Variants in MALRD1 observed in about 807,000 individuals in gnomAD.
MALRD1 encodes MAM and LDL-receptor class A domain-containing protein 1.
MALRD1 carries 247 observed loss-of-function variants against 242.1 expected under a neutral mutation model. The ratio of observed to expected loss-of-function variants is 1.02; its 90% CI spans 0.92 to 1.13. The LOEUF (loss-of-function observed/expected upper bound fraction) is 1.13. MALRD1 is among the 50% of genes most tolerant of loss of function. The pLI, the probability that MALRD1 is intolerant of heterozygous loss-of-function variation, is 0.00. For missense variants in MALRD1, 2,989 were observed against 2,533.1 expected (o/e 1.18, Z -3.86); for synonymous variants, 995 against 866.6 (o/e 1.15, Z -2.60).
At chr10:19,118,082 T>C (rs1421426884) in intron 5 of MALRD1, among the ~76,000 whole-genome samples, 1 of 152,122 alleles carries the variant, frequency 6.6e-6, no homozygotes, top group Non-Finnish European at 1.5e-5. Flanking sequence ...AGCAAAAAAC[T>C]GTGATAAGAA....
intron 38 of MALRD1, among the ~76,000 whole-genome samples, chr10:19,726,208 A>G (rs1835017687): frequency 6.6e-6 from 1 of 152,232 alleles, no homozygotes. Context: ...CGTATCTGAT[A>G]AAAGTTTAAT....
At chr10:19,061,092 G>A (rs1228781587) in intron 1 of MALRD1, among the ~76,000 whole-genome samples, 1 of 152,156 alleles carries the variant, frequency 6.6e-6, no homozygotes, top group Non-Finnish European at 1.5e-5. Flanking sequence ...TACAGGGAGG[G>A]GAACAACACA....
At chr10:19,721,345 G>A (rs1395300685) in intron 38 of MALRD1, among the ~76,000 whole-genome samples, 1 of 152,142 alleles carries the variant, frequency 6.6e-6, no homozygotes, top group Non-Finnish European at 1.5e-5. Flanking sequence ...AGAGGTAGAA[G>A]TAGGGAGAGG....
rs1240012055 is a variant in MALRD1 at position 19,389,443 on chromosome 10, T to G, written c.4688-9T>G. 1.3e-6 allele frequency: 2 copies of G among 1,549,678 alleles called. No homozygotes were observed. Among genetic ancestry groups the G allele is most frequent in the East Asian group, 2.4e-5 (1 of 40,898 alleles). On this transcript the variant is annotated splice_polypyrimidine_tract_variant and intron_variant, in intron 27 of 39. Coordinates refer to ENST00000454679, the MANE Select transcript of MALRD1 (RefSeq NM_001142308.3). ...TTCGTTCTTCTCTGAATTCTGTCCT[T>G]GTTCCTAGGGCACTTCATGTATCTG...
rs1197670439 is a variant in MALRD1 at position 19,065,287 on chromosome 10, C to CAAAAAAA, written c.200-1416_200-1410dup. Among the ~76,000 whole-genome samples, 284 of 50,606 alleles carry CAAAAAAA rather than the reference C, an allele frequency of 5.6e-3. 7 individuals carry two copies. Among genetic ancestry groups the CAAAAAAA allele is most frequent in the African/African-American group, 0.019 (211 of 11,266 alleles). The allele number at this position is 50,606 out of a possible 152,430, so 33.2% of individuals were successfully genotyped here. On this transcript the variant is annotated intron_variant, in intron 1 of 39. Coordinates refer to ENST00000454679, the MANE Select transcript of MALRD1 (RefSeq NM_001142308.3). ...GGGCAACAAGAGCAAAACGCTGTCT[C>CAAAAAAA]AAAAAAAAAAAAAAAAAAAAAAGGA...
At chr10:19,248,325 T>C (rs1234281736) in intron 18 of MALRD1, among the ~76,000 whole-genome samples, 1 of 151,910 alleles carries the variant, frequency 6.6e-6, no homozygotes, top group African/African-American at 2.4e-5. Context: ...AAACATTTAT[T>C]ATTACAGAAC....
chr10:19,204,828 A>G, intron 16 of MALRD1, 70 bp from the exon 17 acceptor site: 1 of 1,421,738 alleles, frequency 7.0e-7, no homozygotes, highest in Non-Finnish European at 9.3e-7. Context: ...ACTGAGTAGA[A>G]AAATCTAAAG....
intron 32 of MALRD1, among the ~76,000 whole-genome samples, chr10:19,544,847 A>G (rs1246914978): frequency 1.3e-5 from 2 of 152,022 alleles, no homozygotes; most frequent in Non-Finnish European, 2.9e-5. Context: ...AAAACTATGC[A>G]TTTTACTTGA....
Position 19,734,335 on chromosome 10 carries a change from G to A in MALRD1, c.*98G>A, listed in dbSNP as rs1487089521. 3.9e-6 allele frequency: 4 copies of A among 1,024,018 alleles called. No homozygotes were observed. The highest frequency in any genetic ancestry group is 5.7e-6 in the Non-Finnish European group (4 of 705,562). The allele number at this position is 1,024,018 out of a possible 1,614,324, so 63.4% of individuals were successfully genotyped here. A position where few individuals can be genotyped will look rare whatever the true frequency, so the allele number is the denominator to read the frequency against. Reference sequence around the variant, plus strand: ...CTCATCTTCTACAATGGTAAAAAGAGAAAGGATTGTAAATGCCAGTGTAAT... The same window carrying A: ...CTCATCTTCTACAATGGTAAAAAGAAAAAGGATTGTAAATGCCAGTGTAAT... On this transcript the variant is annotated 3_prime_UTR_variant, in exon 40 of 40. Coordinates refer to ENST00000454679, the MANE Select transcript of MALRD1 (RefSeq NM_001142308.3).
chr10:19,222,785 C>A (rs79760140), intron 18 of MALRD1, among the ~76,000 whole-genome samples: 2,350 of 152,172 alleles, frequency 0.015, 64 homozygotes, highest in African/African-American at 0.054. Context: ...CATATTGAAC[C>A]AAATAGTTTT....
rs551221537 is a variant in MALRD1 at position 19,283,370 on chromosome 10, G to A, written c.3419+189G>A. Among the ~76,000 whole-genome samples the A allele has an allele frequency of 2.0e-5, 3 of 152,228 alleles. No homozygotes were observed. The East Asian group carries it at 5.8e-4, about 29-fold the overall frequency. On this transcript the variant is annotated intron_variant, in intron 21 of 39. Coordinates refer to ENST00000454679, the MANE Select transcript of MALRD1 (RefSeq NM_001142308.3). ...TTAAAAAAGCAATGAATGCTCTTGT[G>A]AATTTCATAGAAACCGGAGAAGAAC... is the stretch of plus-strand genomic sequence containing the variant.
At chr10:19,587,233 G>C (rs566751283) in intron 33 of MALRD1, among the ~76,000 whole-genome samples, 14 of 152,128 alleles carry the variant, frequency 9.2e-5, no homozygotes, top group Non-Finnish European at 1.6e-4. Flanking sequence ...GTTCCTATTT[G>C]GCCATCTTGG....
At chr10:19,668,755 A>T (rs1460932494) in intron 36 of MALRD1, among the ~76,000 whole-genome samples, 1 of 152,156 alleles carries the variant, frequency 6.6e-6, no homozygotes, top group South Asian at 2.1e-4. Flanking sequence ...CTGGAATATA[A>T]ATTCAACCCC....
At chr10:19,634,945 C>T (rs1840064940) in intron 36 of MALRD1, among the ~76,000 whole-genome samples, 1 of 152,112 alleles carries the variant, frequency 6.6e-6, no homozygotes, top group Non-Finnish European at 1.5e-5. Flanking sequence ...AAGCAACATC[C>T]TGTACCCCTG....
chr10:19,467,189 C>G (rs10827484), intron 29 of MALRD1, among the ~76,000 whole-genome samples: 43,878 of 150,008 alleles, frequency 0.29, 7,351 homozygotes, highest in South Asian at 0.43. Context: ...CCCATCTCTA[C>G]TAAAAATACA....
chr10:19,673,206 C>T (rs1323103328), intron 36 of MALRD1, among the ~76,000 whole-genome samples: 7 of 151,986 alleles, frequency 4.6e-5, no homozygotes, highest in Non-Finnish European at 7.4e-5. Context: ...CATGGTGAAA[C>T]CCCATCTCTA....
At chr10:19,492,951 C>G (rs1198668561) in intron 30 of MALRD1, among the ~76,000 whole-genome samples, 3 of 151,864 alleles carry the variant, frequency 2.0e-5, no homozygotes, top group Non-Finnish European at 4.4e-5. Flanking sequence ...GGCTCATTTT[C>G]TATTTAAAAT....
chr10:19,632,564 A>AT (rs1180690327), intron 36 of MALRD1, among the ~76,000 whole-genome samples: 1 of 152,094 alleles, frequency 6.6e-6, no homozygotes. Context: ...AGGAATAATG[A>AT]TTTTTTTGAT....
At chr10:19,628,162 ACTGTCC>A (rs1189204264) in intron 36 of MALRD1, among the ~76,000 whole-genome samples, 12 of 152,138 alleles carry the variant, frequency 7.9e-5, no homozygotes, top group African/African-American at 2.9e-4. Context: ...CTATAGAAAC[ACTGTCC>A]CTTTTATATA....
Sources: allele counts gnomAD v4.1 joint callset (sites outside exome capture counted in the v4.1 genomes callset), GRCh38; gene constraint gnomAD v4.1.1; transcripts MANE v1.5; gene names NCBI Gene and HGNC (gene_info 2026-07-23, HGNC 2026-07-21).